Variants in GRM7 observed in about 807,000 individuals in gnomAD.
The protein encoded by GRM7 is metabotropic glutamate receptor 7.
In GRM7, 35 loss-of-function variants were observed where a neutral mutation model predicts 84.5. The observed-to-expected ratio is 0.41, with a 90% CI of 0.32 to 0.55. GRM7 has a LOEUF of 0.55. Ranked by LOEUF, GRM7 falls within the 20% of genes least tolerant of loss-of-function variation. GRM7 has a pLI of 0.19. For synonymous variants in GRM7, 487 were observed against 455.1 expected (o/e 1.07, Z -0.89); for missense variants, 1,003 against 1,194.6 (o/e 0.84, Z 2.36).
chr3:7,711,658 T>C (rs1701583473), intron 9 of GRM7, among the ~76,000 whole-genome samples: 7 of 152,190 alleles, frequency 4.6e-5, no homozygotes, highest in Admixed American at 3.9e-4. Flanking sequence ...TCTGAATCAA[T>C]GAATCAACCA....
At chr3:6,890,792 A>T (rs1357317727) in intron 1 of GRM7, among the ~76,000 whole-genome samples, 1 of 151,804 alleles carries the variant, frequency 6.6e-6, no homozygotes, top group African/African-American at 2.4e-5. Context: ...ATCCTTGTTA[A>T]ATTTCTGTCT....
intron 4 of GRM7, among the ~76,000 whole-genome samples, chr3:7,362,563 C>T (rs767070443): frequency 2.6e-5 from 4 of 151,936 alleles, no homozygotes; most frequent in Non-Finnish European, 4.4e-5. Context: ...CACGTGTTAG[C>T]TTATGCATCT....
In GRM7 at chr3:7,461,945, C is replaced by T. The variant is rs777864621; in HGVS notation, c.1515+223C>T. ...TTGTGCATTATATTCATGACCTGTG[C>T]GAATTATCTCATTTAATCTGAGACT... On this transcript the variant is annotated intron_variant, in intron 7 of 9. Transcript: ENST00000357716. Among the ~76,000 whole-genome samples, 81 of 151,990 alleles carry T rather than the reference C, an allele frequency of 5.3e-4. 1 individual carries two copies. The highest frequency in any genetic ancestry group is 7.9e-4 in the Admixed American group (12 of 15,258).
At chr3:7,528,378 A>C (rs1700891679) in intron 7 of GRM7, among the ~76,000 whole-genome samples, 1 of 151,846 alleles carries the variant, frequency 6.6e-6, no homozygotes, top group Non-Finnish European at 1.5e-5. Context: ...TGTCACTTTC[A>C]CTGTTTCTGA....
intron 1 of GRM7, among the ~76,000 whole-genome samples, chr3:7,062,699 C>T (rs1251516247): frequency 1.3e-5 from 2 of 151,708 alleles, no homozygotes; most frequent in Non-Finnish European, 2.9e-5. Flanking sequence ...CTTTCCACAT[C>T]TGTACTCTAT....
chr3:7,357,656 A>G (rs1196642561), intron 4 of GRM7, among the ~76,000 whole-genome samples: 1 of 152,138 alleles, frequency 6.6e-6, no homozygotes, highest in Non-Finnish European at 1.5e-5. Flanking sequence ...CTGCAGAAGG[A>G]ATTACCCTGT....
chr3:7,629,226 T>C (rs62235227), intron 8 of GRM7, among the ~76,000 whole-genome samples: 40,970 of 152,040 alleles, frequency 0.27, 6,076 homozygotes, highest in African/African-American at 0.39. Context: ...CTGTAATAGA[T>C]AGTACTATAT....
intron 4 of GRM7, among the ~76,000 whole-genome samples, chr3:7,401,093 C>A (rs1157698004): frequency 6.6e-6 from 1 of 151,996 alleles, no homozygotes; most frequent in Non-Finnish European, 1.5e-5. Context: ...TACCATGGGG[C>A]CTTTTGCTTT....
At chr3:7,414,895 T>A in intron 4 of GRM7, 128 bp from the exon 5 acceptor site, 1 of 623,212 alleles carries the variant, frequency 1.6e-6, no homozygotes, top group Non-Finnish European at 2.6e-6. Flanking sequence ...AATTTTTTTT[T>A]TTTTCGGTCG....
intron 9 of GRM7, among the ~76,000 whole-genome samples, chr3:7,737,621 T>C (rs1702548684): frequency 6.6e-6 from 1 of 152,168 alleles, no homozygotes; most frequent in African/African-American, 2.4e-5. Flanking sequence ...GACATTGCTG[T>C]GAAAAGTACA....
intron 8 of GRM7, among the ~76,000 whole-genome samples, chr3:7,584,802 T>C (rs17047669): frequency 0.013 from 1,957 of 152,328 alleles, 47 homozygotes; most frequent in African/African-American, 0.044. Context: ...ATCTTTTATT[T>C]TGTGTTACGT....
At chr3:7,372,507 T>G (rs1694180383) in intron 4 of GRM7, among the ~76,000 whole-genome samples, 1 of 152,174 alleles carries the variant, frequency 6.6e-6, no homozygotes, top group African/African-American at 2.4e-5. Flanking sequence ...GGTCTACAGA[T>G]GTACAGACAA....
intron 1 of GRM7, among the ~76,000 whole-genome samples, chr3:7,058,308 C>G (rs1335683659): frequency 6.6e-6 from 1 of 151,754 alleles, no homozygotes; most frequent in Non-Finnish European, 1.5e-5. Flanking sequence ...TATTTATGCT[C>G]TATGTATTCA....
rs192944188 is a variant in GRM7, at chr3:7,665,326, C to T, written c.2452-14723C>T. Among the ~76,000 whole-genome samples, 351 of 151,662 alleles carry T rather than the reference C, an allele frequency of 2.3e-3. 3 individuals are homozygous for T. Among genetic ancestry groups the T allele is most frequent in the African/African-American group, 7.5e-3 (310 of 41,210 alleles). On this transcript the variant is annotated intron_variant, in intron 8 of 9. Transcript: ENST00000357716. The stretch of plus-strand genomic sequence containing the variant: ...AGCTGGGACTACAGGTGCCCGCCAC[C>T]GCACCCGGCTAATTTTTTTTTTGTA...
chr3:6,919,588 G>A (rs1211060126), intron 1 of GRM7, among the ~76,000 whole-genome samples: 4 of 146,528 alleles, frequency 2.7e-5, no homozygotes, highest in African/African-American at 1.0e-4. Flanking sequence ...TTTTGGACAC[G>A]CTGATCAGCT....
chr3:6,908,271 G>A (rs6772656), intron 1 of GRM7, among the ~76,000 whole-genome samples: 2 of 152,144 alleles, frequency 1.3e-5, no homozygotes, highest in Non-Finnish European at 2.9e-5. Flanking sequence ...ACAACAATCT[G>A]CTTACGCGGT....
At chr3:6,873,186 C>T (rs1368993100) in intron 1 of GRM7, among the ~76,000 whole-genome samples, 1 of 152,120 alleles carries the variant, frequency 6.6e-6, no homozygotes, top group Non-Finnish European at 1.5e-5. Flanking sequence ...ATTCTCCCGC[C>T]TCAGTCTCCT....
chr3:7,307,948 G>A (rs1559223674), intron 4 of GRM7, among the ~76,000 whole-genome samples: 1 of 111,732 alleles, frequency 8.9e-6, no homozygotes, highest in East Asian at 2.6e-4. Context: ...AGTATGGAGG[G>A]CACAGAGAGT....
At chr3:7,682,995 G>A (rs963190855) in intron 9 of GRM7, among the ~76,000 whole-genome samples, 1 of 152,162 alleles carries the variant, frequency 6.6e-6, no homozygotes, top group Non-Finnish European at 1.5e-5. Context: ...AACAGCAGAG[G>A]TTGGACTAAA....
Sources: gnomAD v4.1 joint callset for allele counts (sites outside exome capture counted in the v4.1 genomes callset) on GRCh38, gnomAD v4.1.1 for gene constraint, MANE v1.5 for transcripts, NCBI Gene and HGNC (gene_info 2026-07-23, HGNC 2026-07-21) for gene names.